The following KIAA1549L variants were observed in gnomAD, a reference collection of about 807,000 sequenced individuals.
KIAA1549L encodes KIAA1549 like, also known as UPF0606 protein KIAA1549L.
KIAA1549L carries 88 observed loss-of-function variants against 160.7 expected under a neutral mutation model. That is an observed-to-expected ratio of 0.55 (90% confidence interval 0.46 to 0.65). The LOEUF is 0.65. KIAA1549L is among the 30% of genes least tolerant of loss of function. The probability of loss-of-function intolerance (pLI) is 0.00; values close to 1 mark genes in which losing one functional copy is unlikely to be tolerated. For synonymous variants in KIAA1549L, 950 were observed against 976.7 expected (o/e 0.97, Z 0.51); for missense variants, 2,258 against 2,437.5 (o/e 0.93, Z 1.55).
intron 1 of KIAA1549L, among the ~76,000 whole-genome samples, chr11:33,461,532 G>A (rs1260012779): frequency 2.6e-5 from 4 of 152,216 alleles, no homozygotes; most frequent in Non-Finnish European, 5.9e-5. Context: ...GCTGTACCTT[G>A]TCACTGTCAT....
chr11:33,591,459 A>C (rs745350582), intron 12 of KIAA1549L, 38 bp downstream of exon 12: 10 of 1,512,998 alleles, frequency 6.6e-6, no homozygotes, highest in Non-Finnish European at 9.0e-6. Context: ...CTGTGTCAGC[A>C]AGAGAATAAT....
chr11:33,661,135 G>A (rs778719425), intron 20 of KIAA1549L, 121 bp downstream of exon 20: 174 of 1,004,562 alleles, frequency 1.7e-4, no homozygotes, highest in Non-Finnish European at 2.4e-4. Context: ...GTACCCGGAT[G>A]ACTAAAGTCA....
At chr11:33,520,964 A>G (rs2133125708) in intron 1 of KIAA1549L, among the ~76,000 whole-genome samples, 2 of 152,126 alleles carry the variant, frequency 1.3e-5, no homozygotes, top group South Asian at 4.2e-4. Context: ...AGAGTTCTAG[A>G]CCAGCCTGGG....
chr11:33,595,319 C>T (rs945835807), intron 12 of KIAA1549L, among the ~76,000 whole-genome samples: 2 of 152,172 alleles, frequency 1.3e-5, no homozygotes, highest in African/African-American at 4.8e-5. Flanking sequence ...CTCTGCCTCC[C>T]GGGTTCAAGC....
At chr11:33,653,500 T>G (rs952741857) in intron 17 of KIAA1549L, among the ~76,000 whole-genome samples, 6 of 152,252 alleles carry the variant, frequency 3.9e-5, no homozygotes, top group Non-Finnish European at 5.9e-5. Flanking sequence ...CATCCCTTTG[T>G]AGGTGATAGG....
Position 33,551,379 on chromosome 11 carries a change from C to A in KIAA1549L, c.3721+120C>A, listed in dbSNP as rs1854457268. The A allele has an allele frequency of 2.8e-5, 23 of 808,922 alleles. No individual in the cohort carries two copies. The South Asian group carries it at 3.5e-4, about 12-fold the overall frequency. 50.1% of individuals were successfully genotyped at this position (808,922 alleles called of 1,614,324 possible). Reference sequence around the variant, plus strand: ...GTGTCATTTTTTAGTCCCTGTGAACCTTCTTCAAAGGGTCCTGCTAATCAA... The same window carrying A: ...GTGTCATTTTTTAGTCCCTGTGAACATTCTTCAAAGGGTCCTGCTAATCAA... On this transcript the variant is annotated intron_variant, in intron 5 of 20. Transcript: ENST00000658780.
chr11:33,410,013 C>T (rs1850756090), intron 1 of KIAA1549L, among the ~76,000 whole-genome samples: 1 of 152,056 alleles, frequency 6.6e-6, no homozygotes, highest in Non-Finnish European at 1.5e-5. Context: ...TTATCACTGC[C>T]TTACTTTCTT....
At chr11:33,610,452 C>T (rs190540522) in intron 15 of KIAA1549L, among the ~76,000 whole-genome samples, 1 of 152,324 alleles carries the variant, frequency 6.6e-6, no homozygotes, top group East Asian at 1.9e-4. Flanking sequence ...ATTTATTCGA[C>T]ATATATTGTC....
chr11:33,472,261 T>A (rs1188904520), intron 1 of KIAA1549L, among the ~76,000 whole-genome samples: 1 of 150,076 alleles, frequency 6.7e-6, no homozygotes, highest in African/African-American at 2.5e-5. Flanking sequence ...TACAGGCACA[T>A]GCCTCATGCC....
intron 1 of KIAA1549L, among the ~76,000 whole-genome samples, chr11:33,469,933 C>T (rs1852143338): frequency 1.3e-5 from 2 of 152,192 alleles, no homozygotes; most frequent in African/African-American, 4.8e-5. Context: ...TCTTATCAGA[C>T]ATTTGGTTTG....
chr11:33,572,791 A>G (rs546467034), intron 9 of KIAA1549L, among the ~76,000 whole-genome samples: 4 of 152,326 alleles, frequency 2.6e-5, no homozygotes, highest in South Asian at 2.1e-4. Context: ...TGGTGACCAC[A>G]TGGCTTTCAC....
At chr11:33,588,870 C>T (rs1424651377) in intron 11 of KIAA1549L, among the ~76,000 whole-genome samples, 1 of 152,108 alleles carries the variant, frequency 6.6e-6, no homozygotes, top group Non-Finnish European at 1.5e-5. Flanking sequence ...TCTCAGGGAA[C>T]TGGGGGAGCT....
chr11:33,490,575 T>C (rs1230836457), intron 1 of KIAA1549L, among the ~76,000 whole-genome samples: 1 of 152,176 alleles, frequency 6.6e-6, no homozygotes, highest in Admixed American at 6.5e-5. Context: ...TCTGCTGGGA[T>C]TACAGGCATG....
At position 33,441,050 on chromosome 11, in the gene KIAA1549L, T is replaced by C. The variant is rs866220290; in HGVS notation, c.238+64161T>C. On this transcript the variant is annotated intron_variant, in intron 1 of 20. Transcript: ENST00000658780. ...TTGTCATTTAGCATTAGGTATATCT[T>C]CTAATGCTATCCCTCCCCCCTCCCC... is the stretch of plus-strand genomic sequence containing the variant. 8.4e-3 allele frequency among the ~76,000 whole-genome samples: 1,271 copies of C among 151,534 alleles called. 5 individuals carry two copies. The highest frequency in any genetic ancestry group is 0.014 in the Middle Eastern group (4 of 292).
At chr11:33,618,872 T>C (rs1439269176) in intron 16 of KIAA1549L, among the ~76,000 whole-genome samples, 1 of 152,262 alleles carries the variant, frequency 6.6e-6, no homozygotes, top group Non-Finnish European at 1.5e-5. Context: ...GATCACGATT[T>C]CCGAATTGTG....
intron 1 of KIAA1549L, among the ~76,000 whole-genome samples, chr11:33,496,215 C>T (rs528535962): frequency 3.3e-5 from 5 of 152,290 alleles, no homozygotes; most frequent in East Asian, 3.9e-4. Context: ...CCACCTGCCT[C>T]GGCCTCCCAA....
chr11:33,473,478 C>T (rs114276309), intron 1 of KIAA1549L, among the ~76,000 whole-genome samples: 164 of 152,282 alleles, frequency 1.1e-3, no homozygotes, highest in African/African-American at 3.7e-3. Context: ...GAAAGACACG[C>T]GTGAAGGCTC....
intron 7 of KIAA1549L, 123 bp downstream of exon 7, chr11:33,560,034 G>A (rs1246402440): frequency 4.3e-6 from 4 of 927,412 alleles, no homozygotes; most frequent in Non-Finnish European, 6.7e-6. Flanking sequence ...GCTAAAATAT[G>A]TGATGGATTA....
intron 13 of KIAA1549L, chr11:33,599,614 T>A (rs1419517720): frequency 6.6e-6 from 1 of 152,228 alleles, no homozygotes; most frequent in Non-Finnish European, 1.5e-5. Flanking sequence ...AGGATTGGCG[T>A]TGGGGTTTAT....
Sources: allele counts gnomAD v4.1 joint callset (sites outside exome capture counted in the v4.1 genomes callset), GRCh38; gene constraint gnomAD v4.1.1; transcripts MANE v1.5; gene names NCBI Gene and HGNC (gene_info 2026-07-23, HGNC 2026-07-21).